The following MYO1H variants were observed in gnomAD, a reference collection of about 807,000 sequenced individuals.
The protein encoded by MYO1H is unconventional myosin-Ih.
Under a neutral mutation model 149.3 loss-of-function variants are expected in MYO1H, and 118 were observed. The observed-to-expected ratio is 0.79, with a 90% CI of 0.68 to 0.92. The LOEUF is 0.92. Among genes scored for constraint, MYO1H ranks in the 40% least tolerant of loss-of-function variants. The pLI is 0.00. For missense variants in MYO1H, 1,212 were observed against 1,280.7 expected (o/e 0.95, Z 0.82); for synonymous variants, 447 against 465.2 (o/e 0.96, Z 0.50).
chr12:109,427,909 A>AAAAAAAATATAT (rs1555254298), intron 19 of MYO1H, among the ~76,000 whole-genome samples: 2 of 16,420 alleles, frequency 1.2e-4, no homozygotes, highest in African/African-American at 6.2e-4. Context: ...AAAAAAAAAA[A>AAAAAAAATATAT]ATATATATAT....
intron 1 of MYO1H, among the ~76,000 whole-genome samples, chr12:109,386,488 G>C (rs1306136000): frequency 6.6e-6 from 1 of 152,228 alleles, no homozygotes; most frequent in East Asian, 1.9e-4. Flanking sequence ...AGAGAATTCT[G>C]TCTGCTCCGC....
At chr12:109,424,982 T>C (rs1381669716) in intron 17 of MYO1H, among the ~76,000 whole-genome samples, 154 bp downstream of exon 17, 1 of 152,070 alleles carries the variant, frequency 6.6e-6, no homozygotes, top group East Asian at 1.9e-4. Flanking sequence ...CTCACACCTG[T>C]AATCCCAGCA....
At chr12:109,348,845 T>A (rs1868396097) in intron 1 of MYO1H, among the ~76,000 whole-genome samples, 1 of 152,224 alleles carries the variant, frequency 6.6e-6, no homozygotes, top group Non-Finnish European at 1.5e-5. Context: ...TTTATGGATG[T>A]AGTTAGAATA....
intron 1 of MYO1H, among the ~76,000 whole-genome samples, chr12:109,370,060 G>A (rs1423769165): frequency 2.0e-5 from 3 of 152,184 alleles, no homozygotes; most frequent in East Asian, 3.9e-4. Context: ...ACCCGCCCCC[G>A]TGATTCAATT....
chr12:109,369,008 A>T (rs2137013109), intron 1 of MYO1H, among the ~76,000 whole-genome samples: 1 of 151,314 alleles, frequency 6.6e-6, no homozygotes, highest in Middle Eastern at 3.4e-3. Context: ...TTTTTTTGAG[A>T]CTGAGTTTCA....
At chr12:109,447,490 G>A in exon 32 of MYO1H, 1 of 488,074 alleles carries the variant, frequency 2.0e-6, no homozygotes, top group Non-Finnish European at 3.7e-6. Flanking sequence ...TTAGAGGGTG[G>A]GCAAGATTCT....
At chr12:109,396,974 C>T (rs890135354) in intron 4 of MYO1H, among the ~76,000 whole-genome samples, 6 of 151,598 alleles carry the variant, frequency 4.0e-5, no homozygotes, top group Non-Finnish European at 7.4e-5. Context: ...ACTATAGGCA[C>T]GTACCATCAT....
At chr12:109,380,042 C>G (rs148309701) in intron 1 of MYO1H, among the ~76,000 whole-genome samples, 33 of 151,874 alleles carry the variant, frequency 2.2e-4, no homozygotes, top group African/African-American at 7.7e-4. Context: ...GCAATTTTAA[C>G]TTTTTAAAAT....
At position 109,445,660 on chromosome 12, in the gene MYO1H, A is replaced by G. The variant is rs531738652; in HGVS notation, c.3093+48A>G. ...GAAGTAAGCCGTTTTAGATGAGAAT[A>G]TAAGTTAAAGTTCTACCAATTTCAG... is the stretch of plus-strand genomic sequence containing the variant. On this transcript the variant is annotated intron_variant, in intron 31 of 31. Coordinates refer to ENST00000310903, the Ensembl canonical transcript of MYO1H. 5.7e-6 allele frequency: 9 copies of G among 1,579,740 alleles called. No homozygotes were observed. The Admixed American group carries it at 9.2e-5, about 16-fold the overall frequency.
intron 13 of MYO1H, among the ~76,000 whole-genome samples, chr12:109,411,098 T>C (rs6606710): frequency 0.5 from 76,248 of 151,908 alleles, 20,302 homozygotes; most frequent in African/African-American, 0.67. Context: ...GCTGAGATCA[T>C]ACCACTGCGC....
chr12:109,352,432 G>A (rs1868482731), intron 1 of MYO1H, among the ~76,000 whole-genome samples: 1 of 152,080 alleles, frequency 6.6e-6, no homozygotes, highest in Admixed American at 6.6e-5. Flanking sequence ...AGAAACATAT[G>A]GGGCTATTTG....
chr12:109,343,546 C>T (rs2048092974), upstream of MYO1H, among the ~76,000 whole-genome samples: 1 of 152,156 alleles, frequency 6.6e-6, no homozygotes, highest in South Asian at 2.1e-4. Context: ...AAATTTTCTA[C>T]AGACACCTAG....
chr12:109,436,602 G>C, intron 22 of MYO1H, 46 bp downstream of exon 22: 1 of 1,364,140 alleles, frequency 7.3e-7, no homozygotes, highest in Non-Finnish European at 1.0e-6. Flanking sequence ...TTTCTCATCT[G>C]CTTGGCACCT....
At chr12:109,332,380 G>T in the MYO1H span, among the ~76,000 whole-genome samples, 2 of 152,126 alleles carry the variant, frequency 1.3e-5, no homozygotes, top group African/African-American at 2.4e-5. Flanking sequence ...CGGGCTTGTG[G>T]CATTTTGGAT....
At chr12:109,393,266 T>C in intron 2 of MYO1H, 65 bp from the exon 3 acceptor site, 1 of 947,494 alleles carries the variant, frequency 1.1e-6, no homozygotes, top group South Asian at 1.4e-5. Context: ...CACATGGGGA[T>C]CATCATGTGT....
At chr12:109,326,258 T>C in the MYO1H span, among the ~76,000 whole-genome samples, 3 of 152,308 alleles carry the variant, frequency 2.0e-5, no homozygotes, top group African/African-American at 7.2e-5. Flanking sequence ...TGTATGTTTC[T>C]AGATCACTTC....
At chr12:109,444,390 CTGTGA>C (rs773120602) in intron 29 of MYO1H, 37 bp from the exon 30 acceptor site, 13 of 1,582,268 alleles carry the variant, frequency 8.2e-6, no homozygotes, top group Non-Finnish European at 1.1e-5. Flanking sequence ...TTTCTTTAAG[CTGTGA>C]ATACTGAAAT....
intron 6 of MYO1H, among the ~76,000 whole-genome samples, chr12:109,403,446 A>G (rs1169500747): frequency 1.3e-5 from 2 of 152,210 alleles, no homozygotes; most frequent in African/African-American, 4.8e-5. Flanking sequence ...TCAGTCTGTT[A>G]TTTAAAAGAC....
the MYO1H span, among the ~76,000 whole-genome samples, chr12:109,315,628 C>T: frequency 3.3e-5 from 5 of 152,188 alleles, no homozygotes; most frequent in African/African-American, 7.2e-5. Context: ...CCCACGATCC[C>T]TCAAGATAGC....
Sources: gnomAD v4.1 joint callset for allele counts (sites outside exome capture counted in the v4.1 genomes callset) on GRCh38, gnomAD v4.1.1 for gene constraint, MANE v1.5 for transcripts, NCBI Gene and HGNC (gene_info 2026-07-23, HGNC 2026-07-21) for gene names.